Variants in GRIA4 observed in about 807,000 individuals in gnomAD.
GRIA4 encodes glutamate receptor 4.
A neutral mutation model predicts 104.0 loss-of-function variants in GRIA4; 34 were observed. That is an observed-to-expected ratio of 0.33 (90% CI 0.25 to 0.44). The LOEUF is 0.44. Among genes scored for constraint, GRIA4 ranks in the 20% least tolerant of loss-of-function variants. GRIA4 has a pLI of 1.00. For synonymous variants in GRIA4, 386 were observed against 381.9 expected, an observed-to-expected ratio of 1.01 and a Z score of -0.13; for missense variants, 750 against 1,096.5, an observed-to-expected ratio of 0.68 and a Z score of 4.46.
intron 4 of GRIA4, among the ~76,000 whole-genome samples, chr11:105,759,495 C>G (rs182679742): frequency 2.0e-5 from 3 of 152,214 alleles, no homozygotes; most frequent in East Asian, 1.9e-4. Flanking sequence ...ATGTCACATT[C>G]TTAATTAGAA....
chr11:105,742,601 T>C (rs1938960), intron 3 of GRIA4, among the ~76,000 whole-genome samples: 67,793 of 149,646 alleles, frequency 0.45, 15,505 homozygotes, highest in Middle Eastern at 0.52. Flanking sequence ...AGTATATATA[T>C]ATATGTGTGT....
intron 4 of GRIA4, among the ~76,000 whole-genome samples, chr11:105,779,433 A>C (rs1941609880): frequency 6.6e-6 from 1 of 151,660 alleles, no homozygotes; most frequent in Non-Finnish European, 1.5e-5. Flanking sequence ...GAATTGGAAA[A>C]AACTACTTGA....
intron 5 of GRIA4, among the ~76,000 whole-genome samples, chr11:105,880,512 G>A (rs901550732): frequency 2.6e-5 from 4 of 152,124 alleles, no homozygotes; most frequent in Non-Finnish European, 4.4e-5. Context: ...AGGGCACTCA[G>A]TTTGCTAATC....
chr11:105,940,516 T>C (rs538325658), intron 14 of GRIA4, among the ~76,000 whole-genome samples: 57 of 152,274 alleles, frequency 3.7e-4, no homozygotes, highest in African/African-American at 1.3e-3. Flanking sequence ...GTAATCAGGT[T>C]TACCATAAAA....
chr11:105,677,570 CTT>C (rs1422651626), intron 3 of GRIA4, among the ~76,000 whole-genome samples: 1 of 151,846 alleles, frequency 6.6e-6, no homozygotes, highest in Non-Finnish European at 1.5e-5. Flanking sequence ...AAAAGCCAAA[CTT>C]AAATCAGAAT....
intron 4 of GRIA4, among the ~76,000 whole-genome samples, chr11:105,818,940 C>G (rs1233420079): frequency 6.6e-6 from 1 of 152,092 alleles, no homozygotes; most frequent in African/African-American, 2.4e-5. Flanking sequence ...CAAAGTCAAG[C>G]TACGTTAATT....
chr11:105,783,937 G>T (rs894348668), intron 4 of GRIA4, among the ~76,000 whole-genome samples: 1 of 152,154 alleles, frequency 6.6e-6, no homozygotes, highest in Non-Finnish European at 1.5e-5. Context: ...CTTGAGTATA[G>T]ATTTAAATGT....
intron 3 of GRIA4, among the ~76,000 whole-genome samples, chr11:105,620,395 C>G (rs1950711833): frequency 6.6e-6 from 1 of 151,806 alleles, no homozygotes; most frequent in Admixed American, 6.6e-5. Flanking sequence ...TCTAAGACCT[C>G]AAAGTATCCA....
intron 4 of GRIA4, among the ~76,000 whole-genome samples, chr11:105,812,721 C>T (rs890728497): frequency 5.3e-5 from 8 of 152,022 alleles, no homozygotes; most frequent in Admixed American, 2.0e-4. Flanking sequence ...ATACCCTACT[C>T]GCTAAATCAT....
At chr11:105,694,436 T>G (rs547881486) in intron 3 of GRIA4, among the ~76,000 whole-genome samples, 1 of 152,244 alleles carries the variant, frequency 6.6e-6, no homozygotes, top group Admixed American at 6.5e-5. Flanking sequence ...CGTAAGTCAA[T>G]GCTCCCGGCC....
At chr11:105,664,105 T>C (rs1391389727) in intron 3 of GRIA4, among the ~76,000 whole-genome samples, 1 of 147,288 alleles carries the variant, frequency 6.8e-6, no homozygotes, top group Non-Finnish European at 1.5e-5. Context: ...GTATCTAGTA[T>C]GTGTGATGTT....
chr11:105,821,603 T>G (rs1943577814), intron 4 of GRIA4, among the ~76,000 whole-genome samples: 1 of 151,902 alleles, frequency 6.6e-6, no homozygotes, highest in Non-Finnish European at 1.5e-5. Flanking sequence ...AACTCACTTA[T>G]TTCAAAGACA....
rs73540340 is a variant in GRIA4, at chr11:105,771,352, C to A, written c.487+18132C>A. Among the ~76,000 whole-genome samples the A allele has an allele frequency of 1.7e-3, 256 of 152,122 alleles. 2 individuals are homozygous for A. The highest frequency in any genetic ancestry group is 5.9e-3 in the African/African-American group (245 of 41,532). On this transcript the variant is annotated intron_variant, in intron 4 of 16. Coordinates refer to ENST00000282499, the MANE Select transcript of GRIA4 (RefSeq NM_000829.4). ...ATTTCATGTTTTCTGCCTTATATCC[C>A]TGACCGTAGACATAAGTATTCTCTA...
intron 14 of GRIA4, chr11:105,965,939 G>T: frequency 6.4e-7 from 1 of 1,563,234 alleles, no homozygotes; most frequent in Non-Finnish European, 8.8e-7. Context: ...ATGTTTTATC[G>T]TTTCAAGAAA....
intron 3 of GRIA4, among the ~76,000 whole-genome samples, chr11:105,720,050 C>T (rs948700869): frequency 5.3e-5 from 8 of 151,212 alleles, no homozygotes; most frequent in Non-Finnish European, 1.2e-4. Flanking sequence ...TGAAAAGTAC[C>T]TCTTCTGCTT....
chr11:105,889,598 T>G (rs1333493844), intron 6 of GRIA4, among the ~76,000 whole-genome samples: 1 of 151,742 alleles, frequency 6.6e-6, no homozygotes, highest in East Asian at 1.9e-4. Flanking sequence ...TACATCAACA[T>G]CATACTTAAG....
intron 12 of GRIA4, 72 bp downstream of exon 12, chr11:105,924,841 A>G: frequency 2.6e-6 from 3 of 1,156,676 alleles, no homozygotes; most frequent in Non-Finnish European, 3.7e-6. Context: ...TTATCTCTCT[A>G]CATGTTCTTT....
At chr11:105,940,872 G>A (rs1948165950) in intron 14 of GRIA4, among the ~76,000 whole-genome samples, 1 of 151,968 alleles carries the variant, frequency 6.6e-6, no homozygotes, top group African/African-American at 2.4e-5. Context: ...ATGAGCTGGA[G>A]AATAGCAATG....
At chr11:105,681,728 C>T (rs868006487) in intron 3 of GRIA4, among the ~76,000 whole-genome samples, 1 of 152,116 alleles carries the variant, frequency 6.6e-6, no homozygotes, top group Admixed American at 6.6e-5. Flanking sequence ...ATTTTCAATA[C>T]ACTGAGTTAA....
Sources: allele counts gnomAD v4.1 joint callset (sites outside exome capture counted in the v4.1 genomes callset), GRCh38; gene constraint gnomAD v4.1.1; transcripts MANE v1.5; gene names NCBI Gene and HGNC (gene_info 2026-07-23, HGNC 2026-07-21).